Variants in COL9A1 observed in about 807,000 individuals in gnomAD.
COL9A1 encodes collagen alpha-1(IX) chain.
COL9A1 carries 104 observed loss-of-function variants against 142.6 expected under a neutral mutation model. The ratio of observed to expected loss-of-function variants is 0.73; its 90% CI spans 0.62 to 0.86. The LOEUF is 0.86. COL9A1 is among the 40% of genes least tolerant of loss of function. The pLI is 0.00. For missense variants in COL9A1, 1,210 were observed against 1,176.6 expected (o/e 1.03, Z -0.42); for synonymous variants, 466 against 396.0 (o/e 1.18, Z -2.10).
intron 12 of COL9A1, among the ~76,000 whole-genome samples, chr6:70,273,045 C>T (rs1772511107): frequency 6.6e-6 from 1 of 152,012 alleles, no homozygotes; most frequent in Non-Finnish European, 1.5e-5. Flanking sequence ...TATGAATATA[C>T]CAAGCATCCC....
At chr6:70,237,831 T>C (rs1466565138) in intron 33 of COL9A1, among the ~76,000 whole-genome samples, 1 of 152,210 alleles carries the variant, frequency 6.6e-6, no homozygotes, top group Non-Finnish European at 1.5e-5. Context: ...ATCTCTGCGG[T>C]TTGCAAAGAG....
At chr6:70,257,774 G>T (rs374354284) in intron 20 of COL9A1, among the ~76,000 whole-genome samples, 1 of 152,062 alleles carries the variant, frequency 6.6e-6, no homozygotes, top group East Asian at 1.9e-4. Context: ...ATTTATTAAC[G>T]ATGAAGGCCA....
chr6:70,292,746 CCGTGG>C (rs760753882), intron 5 of COL9A1, among the ~76,000 whole-genome samples: 2 of 152,102 alleles, frequency 1.3e-5, no homozygotes, highest in Non-Finnish European at 2.9e-5. Context: ...TCCCCTTCAC[CCGTGG>C]CCCAGAAATG....
At chr6:70,233,894 T>C (rs1769717947) in intron 35 of COL9A1, among the ~76,000 whole-genome samples, 1 of 152,356 alleles carries the variant, frequency 6.6e-6, no homozygotes, top group Non-Finnish European at 1.5e-5. Flanking sequence ...GTTACAGAAC[T>C]CCTCAGCTAT....
At chr6:70,254,889 A>T (rs1012765997) in intron 24 of COL9A1, 74 bp downstream of exon 24, 28 of 1,346,210 alleles carry the variant, frequency 2.1e-5, no homozygotes, top group Admixed American at 8.5e-5. Context: ...GTGATTTAGT[A>T]ATGGAAATGC....
At chr6:70,280,571 T>C in intron 10 of COL9A1, 1 of 1,394,070 alleles carries the variant, frequency 7.2e-7, no homozygotes, top group Non-Finnish European at 9.4e-7. Context: ...TACCCGCTGC[T>C]GTTTTCTAGG....
At chr6:70,245,285 A>G (rs900957290) in intron 28 of COL9A1, among the ~76,000 whole-genome samples, 2 of 152,346 alleles carry the variant, frequency 1.3e-5, no homozygotes, top group South Asian at 4.1e-4. Flanking sequence ...AATAATCAAG[A>G]TATAAACAGT....
In COL9A1 at chr6:70,303,041, A is replaced by T; in HGVS notation, c.-117T>A. The stretch of plus-strand genomic sequence containing the variant: ...CCCTAGGACTATGTGTTCTGGGCCC[A>T]GCCTTGGTCCCTCCTGCCCCCGGTG... On this transcript the variant is annotated 5_prime_UTR_variant, in exon 1 of 38. Transcript: ENST00000357250. 8.8e-7 allele frequency: 1 copy of T among 1,142,036 alleles called. No homozygotes were observed. Among genetic ancestry groups the T allele is most frequent in the East Asian group, 2.3e-5 (1 of 42,684 alleles). The allele number at this position is 1,142,036 out of a possible 1,614,324, so 70.7% of individuals were successfully genotyped here.
intron 36 of COL9A1, among the ~76,000 whole-genome samples, chr6:70,230,594 C>T (rs889768891): frequency 9.9e-5 from 15 of 152,168 alleles, no homozygotes; most frequent in African/African-American, 3.6e-4. Context: ...TAGAAATTTA[C>T]TTTTGTTTCT....
chr6:70,232,902 G>T, intron 35 of COL9A1, 131 bp from the exon 36 acceptor site: 1 of 932,074 alleles, frequency 1.1e-6, no homozygotes, highest in Non-Finnish European at 1.7e-6. Flanking sequence ...AGTAAGAAAT[G>T]AATAAAGTTG....
chr6:70,266,745 A>G lies in COL9A1; in HGVS notation c.1313T>C (p.Ile438Thr). ...GTGTCCTTGTCTTCCTGGTTCACCA[A>G]TTTCTCCTTTAGCCCCTTTATGACC... ...MRGHKGAKGE[I>T]GEPGRQGHKG... The change falls in exon 18 of 38, where the codon ATT becomes ACT. Residue 438 changes from isoleucine to threonine, a missense_variant. By Grantham distance (89) the Ile-to-Thr change is moderately conservative (BLOSUM62 -1). Coordinates refer to ENST00000357250, the MANE Select transcript of COL9A1 (RefSeq NM_001851.6). 8 of 1,613,472 alleles carry G rather than the reference A, an allele frequency of 5.0e-6. No homozygotes were observed. Among genetic ancestry groups the G allele is most frequent in the Non-Finnish European group, 6.8e-6 (8 of 1,179,532 alleles).
chr6:70,278,382 C>T (rs1772905135), intron 10 of COL9A1, among the ~76,000 whole-genome samples: 1 of 152,168 alleles, frequency 6.6e-6, no homozygotes, highest in South Asian at 2.1e-4. Context: ...AACCACTTGT[C>T]TTCATAATTA....
At chr6:70,301,883 G>A (rs957359735) in intron 2 of COL9A1, 118 bp downstream of exon 2, 2 of 818,696 alleles carry the variant, frequency 2.4e-6, no homozygotes, top group Non-Finnish European at 4.1e-6. Context: ...AAGCTGGATT[G>A]AAGAGTGAGG....
At chr6:70,276,249 A>G (rs969240951) in intron 10 of COL9A1, among the ~76,000 whole-genome samples, 10 of 152,168 alleles carry the variant, frequency 6.6e-5, no homozygotes, top group African/African-American at 2.4e-4. Context: ...TTTCACAAAC[A>G]AACTATACAT....
At chr6:70,287,759 A>G (rs1773512505) in intron 5 of COL9A1, among the ~76,000 whole-genome samples, 1 of 152,214 alleles carries the variant, frequency 6.6e-6, no homozygotes, top group Non-Finnish European at 1.5e-5. Flanking sequence ...TATCTACAGC[A>G]TATGAGTCAG....
At chr6:70,301,927 C>T in intron 2 of COL9A1, 74 bp downstream of exon 2, 1 of 1,225,796 alleles carries the variant, frequency 8.2e-7, no homozygotes, top group Non-Finnish European at 1.2e-6. Flanking sequence ...ACTCAGTCTT[C>T]AGTCAGCCAC....
At chr6:70,215,804 G>A (rs888144889), downstream of COL9A1, 1 of 152,056 alleles carries the variant, frequency 6.6e-6, no homozygotes, top group East Asian at 1.9e-4. Flanking sequence ...AAAAGTCCAC[G>A]AAATCTCTGA....
intron 36 of COL9A1, among the ~76,000 whole-genome samples, chr6:70,229,435 G>A (rs1769413367): frequency 6.6e-6 from 1 of 152,088 alleles, no homozygotes; most frequent in Non-Finnish European, 1.5e-5. Context: ...AGCTCATTAT[G>A]AACGAGTGGA....
intron 13 of COL9A1, 46 bp downstream of exon 13, chr6:70,272,018 GA>G: frequency 4.5e-6 from 7 of 1,572,796 alleles, no homozygotes; most frequent in Non-Finnish European, 6.1e-6. Flanking sequence ...TGAGAAATAG[GA>G]CATTTTTATA....
Sources: allele counts gnomAD v4.1 joint callset (sites outside exome capture counted in the v4.1 genomes callset), GRCh38; gene constraint gnomAD v4.1.1; transcripts MANE v1.5; gene names NCBI Gene and HGNC (gene_info 2026-07-23, HGNC 2026-07-21).